CNTNAP5: variants seen among roughly 807,000 people sequenced by gnomAD.
CNTNAP5 encodes contactin associated protein family member 5, also known as contactin-associated protein-like 5.
Under a neutral mutation model 150.2 loss-of-function variants are expected in CNTNAP5, and 72 were observed. The ratio of observed to expected loss-of-function variants is 0.48; its 90% CI spans 0.40 to 0.58. The LOEUF (loss-of-function observed/expected upper bound fraction) is 0.58. Among genes scored for constraint, CNTNAP5 ranks in the 20% least tolerant of loss-of-function variants. The pLI is 0.00. For synonymous variants in CNTNAP5, 672 were observed against 619.8 expected (o/e 1.08, Z -1.25); for missense variants, 1,636 against 1,626.2 (o/e 1.01, Z -0.10).
At chr2:124,408,156 G>A (rs781499218) in intron 3 of CNTNAP5, among the ~76,000 whole-genome samples, 16 of 152,038 alleles carry the variant, frequency 1.1e-4, no homozygotes, top group Non-Finnish European at 2.2e-4. Context: ...ACTCCCACCC[G>A]AATACTGCGC....
At chr2:124,691,777 A>G (rs1273416868) in intron 13 of CNTNAP5, among the ~76,000 whole-genome samples, 1 of 152,076 alleles carries the variant, frequency 6.6e-6, no homozygotes, top group Non-Finnish European at 1.5e-5. Context: ...CTATTGTACT[A>G]GATAAAACAT....
intron 1 of CNTNAP5, among the ~76,000 whole-genome samples, chr2:124,105,670 A>G (rs1364787869): frequency 2.0e-5 from 3 of 152,128 alleles, no homozygotes; most frequent in African/African-American, 4.8e-5. Flanking sequence ...TTTGGTATTC[A>G]TTATTTATAC....
intron 3 of CNTNAP5, among the ~76,000 whole-genome samples, chr2:124,327,157 T>C (rs1689239840): frequency 6.6e-6 from 1 of 151,752 alleles, no homozygotes; most frequent in Non-Finnish European, 1.5e-5. Flanking sequence ...ATTTTTTGTA[T>C]TTTTAGTAGA....
intron 10 of CNTNAP5, among the ~76,000 whole-genome samples, chr2:124,555,749 G>A (rs1695738764): frequency 6.6e-6 from 1 of 152,174 alleles, no homozygotes; most frequent in Non-Finnish European, 1.5e-5. Context: ...TGCAAAAAAT[G>A]TAAACTACAA....
At chr2:124,486,580 A>G (rs903480706) in intron 7 of CNTNAP5, among the ~76,000 whole-genome samples, 3 of 152,358 alleles carry the variant, frequency 2.0e-5, no homozygotes, top group Admixed American at 2.0e-4. Context: ...GTTAAAAACT[A>G]GAGACCTTGG....
intron 1 of CNTNAP5, among the ~76,000 whole-genome samples, chr2:124,122,581 A>G (rs1050276905): frequency 6.6e-6 from 1 of 152,134 alleles, no homozygotes; most frequent in Non-Finnish European, 1.5e-5. Context: ...CACATTCCAC[A>G]CTTTACAATT....
At chr2:124,679,433 G>C (rs1304501370) in intron 13 of CNTNAP5, among the ~76,000 whole-genome samples, 1 of 151,840 alleles carries the variant, frequency 6.6e-6, no homozygotes, top group Non-Finnish European at 1.5e-5. Flanking sequence ...ATCACATATG[G>C]TGACCCTCAT....
Position 124,772,997 on chromosome 2 carries a change from T to G in CNTNAP5, c.2732T>G (p.Leu911Arg), listed in dbSNP as rs769804021. Residue 911 changes from leucine (L) to arginine (R), a missense_variant, in exon 17 of 24, where the codon CTG becomes CGG. Coordinates refer to ENST00000682447, the MANE Select transcript of CNTNAP5 (RefSeq NM_001367498.1). ...GAGGAGGGCCATTTTCGACTGCAGCTGAACAGCCAGTTGTTTGTAGGTAGG... is the reference window on the plus strand; with the variant it reads ...GAGGAGGGCCATTTTCGACTGCAGCGGAACAGCCAGTTGTTTGTAGGTAGG... Reference protein sequence around the residue: ...TSEEGHFRLQLNSQLFVGGTS... With the variant: ...TSEEGHFRLQRNSQLFVGGTS... 6.2e-7 allele frequency: 1 copy of G among 1,613,120 alleles called. No homozygotes were observed. The highest frequency in any genetic ancestry group is 8.5e-7 in the Non-Finnish European group (1 of 1,179,642).
At chr2:124,429,913 C>T (rs1389015058) in intron 4 of CNTNAP5, among the ~76,000 whole-genome samples, 1 of 152,164 alleles carries the variant, frequency 6.6e-6, no homozygotes, top group Admixed American at 6.5e-5. Flanking sequence ...CAGCTCATTT[C>T]ACAGGTGGTT....
intron 1 of CNTNAP5, among the ~76,000 whole-genome samples, chr2:124,127,678 A>C (rs954637669): frequency 6.6e-6 from 1 of 152,232 alleles, no homozygotes; most frequent in Non-Finnish European, 1.5e-5. Flanking sequence ...GGCTACAGTA[A>C]CCAAAACAGC....
Position 124,647,833 on chromosome 2 carries a change from C to G in CNTNAP5, c.1952C>G (p.Pro651Arg). The G allele has an allele frequency of 6.2e-7, 1 of 1,613,482 alleles. No homozygotes were observed. The highest frequency in any genetic ancestry group is 8.5e-7 in the Non-Finnish European group (1 of 1,179,700). The change falls in exon 13 of 24, where the codon CCC (proline) becomes CGC (arginine). Residue 651 changes from proline (P) to arginine (R), a missense_variant. Physicochemically the swap from Pro to Arg is moderately radical, Grantham distance 103 (BLOSUM62 -2). Coordinates refer to ENST00000682447, the MANE Select transcript of CNTNAP5 (RefSeq NM_001367498.1). ...GTGCGGGGCGCTAACCCTGAGAAGC[C>G]CTATGCCATGGCCTTGGACTACGGG... ...TRVRGANPEK[P>R]YAMALDYGGS...
At chr2:124,608,859 C>A (rs1434699259) in intron 11 of CNTNAP5, among the ~76,000 whole-genome samples, 1 of 151,634 alleles carries the variant, frequency 6.6e-6, no homozygotes, top group Non-Finnish European at 1.5e-5. Context: ...GCAGGAGAAT[C>A]TCTTGAACCC....
At chr2:124,692,493 C>T (rs1358577490) in intron 13 of CNTNAP5, among the ~76,000 whole-genome samples, 3 of 151,898 alleles carry the variant, frequency 2.0e-5, no homozygotes, top group Non-Finnish European at 4.4e-5. Flanking sequence ...GTTTGTTAAA[C>T]AGCAAAAGAT....
At chr2:124,492,203 G>A (rs1573410913) in intron 7 of CNTNAP5, among the ~76,000 whole-genome samples, 1 of 152,042 alleles carries the variant, frequency 6.6e-6, no homozygotes, top group South Asian at 2.1e-4. Flanking sequence ...CCAATGTCAA[G>A]GATATATTCA....
chr2:124,423,713 G>T (rs1692171189), intron 4 of CNTNAP5, among the ~76,000 whole-genome samples: 1 of 121,026 alleles, frequency 8.3e-6, no homozygotes, highest in African/African-American at 3.1e-5. Context: ...CGCCCAGGCT[G>T]GAGTGCAGTG....
At chr2:124,841,958 TA>T (rs150279199) in intron 19 of CNTNAP5, among the ~76,000 whole-genome samples, 7,585 of 151,322 alleles carry the variant, frequency 0.05, 543 homozygotes, top group African/African-American at 0.16. Context: ...TACCAAAACT[TA>T]AAAAAAAACC....
At chr2:124,474,178 T>C (rs1053325143) in intron 6 of CNTNAP5, among the ~76,000 whole-genome samples, 4 of 152,100 alleles carry the variant, frequency 2.6e-5, no homozygotes, top group Non-Finnish European at 5.9e-5. Flanking sequence ...TAAGCACCAT[T>C]ATTGACAAGT....
At chr2:124,610,104 C>A (rs1677348455) in intron 12 of CNTNAP5, among the ~76,000 whole-genome samples, 184 bp downstream of exon 12, 1 of 152,046 alleles carries the variant, frequency 6.6e-6, no homozygotes, top group African/African-American at 2.4e-5. Context: ...TTTCATGAGA[C>A]AGAAAAAAGA....
At chr2:124,133,348 A>C (rs941422487) in intron 1 of CNTNAP5, among the ~76,000 whole-genome samples, 3 of 152,276 alleles carry the variant, frequency 2.0e-5, no homozygotes, top group African/African-American at 7.2e-5. Context: ...TAGCTTCTTC[A>C]AAGCTTCTTA....
Sources: allele counts gnomAD v4.1 joint callset (sites outside exome capture counted in the v4.1 genomes callset), GRCh38; gene constraint gnomAD v4.1.1; transcripts MANE v1.5; gene names NCBI Gene and HGNC (gene_info 2026-07-23, HGNC 2026-07-21).